ABCA13: variants seen among roughly 807,000 people sequenced by gnomAD.
ABCA13 encodes ATP binding cassette subfamily A member 13, also known as ATP-binding cassette sub-family A member 13.
Under a neutral mutation model 478.7 loss-of-function variants are expected in ABCA13, and 476 were observed. The observed-to-expected ratio is 0.99, with a 90% CI of 0.92 to 1.07. The LOEUF (loss-of-function observed/expected upper bound fraction) is 1.07, where lower values mean the gene tolerates loss of function less well. Ranked by LOEUF, ABCA13 falls within the 50% of genes least tolerant of loss-of-function variation. The pLI, the probability that ABCA13 is intolerant of heterozygous loss-of-function variation, is 0.00. For synonymous variants in ABCA13, 2,252 were observed against 2,158.9 expected, an observed-to-expected ratio of 1.04 and a Z score of -1.20; for missense variants, 6,060 against 5,910.6, an observed-to-expected ratio of 1.03 and a Z score of -0.83.
chr7:48,495,231 A>G (rs1830174118), intron 48 of ABCA13, among the ~76,000 whole-genome samples: 1 of 152,198 alleles, frequency 6.6e-6, no homozygotes, highest in Non-Finnish European at 1.5e-5. Context: ...CATTAGTTTC[A>G]AAGGAATAAA....
At chr7:48,350,931 C>A in intron 30 of ABCA13, 112 bp downstream of exon 30, 1 of 1,105,840 alleles carries the variant, frequency 9.0e-7, no homozygotes, top group Non-Finnish European at 1.3e-6. Flanking sequence ...AAAAGAAGTC[C>A]TTTCCAGATA....
Position 48,275,460 on chromosome 7 carries a change from A to G in ABCA13, c.5794A>G (p.Ile1932Val). ...GATATTACCGTTTGTCCCACCTTCA[A>G]TAAATCAAACTAGGGATAGCATCTC... ...HKILPFVPPS[I>V]NQTRDSISEL... The change falls in exon 17 of 62, where the codon ATA (isoleucine) becomes GTA (valine). Residue 1932 changes from isoleucine (I) to valine (V), a missense_variant. This residue lies in a region of ABCA13 where 4,423 missense variants were observed against 4,309.1 expected (regional missense o/e 1.03). Coordinates refer to ENST00000435803, the MANE Select transcript of ABCA13 (RefSeq NM_152701.5). 1 of 1,613,948 alleles carries G rather than the reference A, an allele frequency of 6.2e-7. No homozygotes were observed. Among genetic ancestry groups the G allele is most frequent in the South Asian group, 1.1e-5 (1 of 91,082 alleles).
At chr7:48,370,929 T>G (rs1175761300) in intron 32 of ABCA13, among the ~76,000 whole-genome samples, 1 of 152,168 alleles carries the variant, frequency 6.6e-6, no homozygotes, top group East Asian at 1.9e-4. Context: ...ATTTAAGTCT[T>G]TACTCCATCT....
chr7:48,610,217 A>T (rs1026324905), intron 58 of ABCA13, among the ~76,000 whole-genome samples: 46 of 152,242 alleles, frequency 3.0e-4, no homozygotes, highest in African/African-American at 1.1e-3. Context: ...AAAAAGGAAG[A>T]AATCAGCTAA....
intron 43 of ABCA13, among the ~76,000 whole-genome samples, chr7:48,462,195 G>C (rs1268506598): frequency 6.7e-6 from 1 of 148,664 alleles, no homozygotes; most frequent in Non-Finnish European, 1.5e-5. Context: ...CAGAAGCCTT[G>C]ATGGTTTCTG....
At chr7:48,398,154 C>A (rs1817103496) in intron 38 of ABCA13, among the ~76,000 whole-genome samples, 1 of 152,128 alleles carries the variant, frequency 6.6e-6, no homozygotes, top group Non-Finnish European at 1.5e-5. Context: ...TATGAGATAG[C>A]AAATTGGCTA....
At chr7:48,309,672 G>T (rs1801461566) in intron 23 of ABCA13, among the ~76,000 whole-genome samples, 2 of 152,164 alleles carry the variant, frequency 1.3e-5, no homozygotes, top group African/African-American at 4.8e-5. Context: ...GCCTCGTGGA[G>T]AGCAGAGGGA....
chr7:48,341,087 A>G (rs1807088722), intron 29 of ABCA13, among the ~76,000 whole-genome samples: 1 of 152,202 alleles, frequency 6.6e-6, no homozygotes, highest in African/African-American at 2.4e-5. Flanking sequence ...TAGTAGTTAT[A>G]AAACAGTATG....
At chr7:48,523,803 T>A (rs73694665) in intron 53 of ABCA13, among the ~76,000 whole-genome samples, 10,187 of 152,158 alleles carry the variant, frequency 0.067, 440 homozygotes, top group African/African-American at 0.11. Context: ...GGTTATATAA[T>A]CCTTTTATGC....
intron 55 of ABCA13, among the ~76,000 whole-genome samples, chr7:48,538,519 T>C (rs1833749595): frequency 6.6e-6 from 1 of 152,208 alleles, no homozygotes; most frequent in Non-Finnish European, 1.5e-5. Flanking sequence ...AATTATATAA[T>C]CTGTACCTAC....
At chr7:48,350,573 C>T (rs1808805019) in intron 29 of ABCA13, 70 bp from the exon 30 acceptor site, 2 of 1,411,752 alleles carry the variant, frequency 1.4e-6, no homozygotes, top group Non-Finnish European at 9.4e-7. Flanking sequence ...TGCACAATCT[C>T]CACTATATGA....
intron 59 of ABCA13, among the ~76,000 whole-genome samples, chr7:48,639,950 C>T (rs1018263713): frequency 5.9e-5 from 9 of 152,154 alleles, no homozygotes; most frequent in African/African-American, 2.2e-4. Context: ...TTTATGTGCT[C>T]ATTATTTTAG....
At chr7:48,555,756 A>T (rs183132179) in intron 55 of ABCA13, among the ~76,000 whole-genome samples, 1 of 151,818 alleles carries the variant, frequency 6.6e-6, no homozygotes, top group African/African-American at 2.4e-5. Flanking sequence ...ATCTTTTCAA[A>T]AAACAAATTT....
At chr7:48,372,072 CT>C (rs1393911768) in intron 32 of ABCA13, 95 bp from the exon 33 acceptor site, 30 of 1,258,928 alleles carry the variant, frequency 2.4e-5, no homozygotes, top group Non-Finnish European at 1.1e-6. Flanking sequence ...GCAGATTTAC[CT>C]TTCCACTGGT....
chr7:48,231,024 A>G (rs1367058227), intron 7 of ABCA13, among the ~76,000 whole-genome samples: 1 of 152,070 alleles, frequency 6.6e-6, no homozygotes, highest in East Asian at 1.9e-4. Flanking sequence ...GGGAGAGGGG[A>G]GGGAGAGCAT....
intron 55 of ABCA13, among the ~76,000 whole-genome samples, chr7:48,573,241 T>C (rs1787846766): frequency 6.6e-6 from 1 of 152,110 alleles, no homozygotes; most frequent in South Asian, 2.1e-4. Flanking sequence ...TTTTTCCTCT[T>C]TTTTGTTCAT....
chr7:48,430,440 C>G (rs1404087259), intron 42 of ABCA13, among the ~76,000 whole-genome samples: 1 of 152,080 alleles, frequency 6.6e-6, no homozygotes, highest in Non-Finnish European at 1.5e-5. Context: ...CTTTGGGAAG[C>G]TGAGCTGGGT....
At chr7:48,547,188 C>T (rs2141250) in intron 55 of ABCA13, among the ~76,000 whole-genome samples, 21,224 of 151,602 alleles carry the variant, frequency 0.14, 2,040 homozygotes, top group African/African-American at 0.23. Flanking sequence ...TCATTTCATT[C>T]AGTTTTTAAA....
intron 29 of ABCA13, among the ~76,000 whole-genome samples, chr7:48,341,738 T>C (rs1323845278): frequency 1.3e-5 from 2 of 150,060 alleles, no homozygotes; most frequent in Admixed American, 6.7e-5. Context: ...TGTGTGTGTA[T>C]GTGTGTGTGT....
Sources: gnomAD v4.1 joint callset for allele counts (sites outside exome capture counted in the v4.1 genomes callset) on GRCh38, gnomAD v4.1.1 for gene constraint, gnomAD v4.1.1 regional missense constraint, MANE v1.5 for transcripts, NCBI Gene and HGNC (gene_info 2026-07-23, HGNC 2026-07-21) for gene names.